The following IL1R2 variants were observed in gnomAD, a reference collection of about 807,000 sequenced individuals.
The protein encoded by IL1R2 is interleukin 1 receptor type 2, also known as interleukin-1 receptor type 2.
In IL1R2, 46 loss-of-function variants were observed where a neutral mutation model predicts 39.5. The ratio of observed to expected loss-of-function variants is 1.16; its 90% CI spans 0.92 to 1.49. IL1R2 has a LOEUF of 1.49. Ranked by LOEUF, IL1R2 falls within the 40% of genes most tolerant of loss-of-function variation. The pLI is 0.00. For missense variants in IL1R2, 537 were observed against 502.0 expected (o/e 1.07, Z -0.67); for synonymous variants, 207 against 189.6 (o/e 1.09, Z -0.75).
At chr2:102,006,751 A>G (rs1239859977) in intron 1 of IL1R2, among the ~76,000 whole-genome samples, 2 of 152,200 alleles carry the variant, frequency 1.3e-5, no homozygotes, top group Non-Finnish European at 2.9e-5. Flanking sequence ...ATCCTTGCGG[A>G]GCCAGAAGAG....
At chr2:102,004,517 A>C (rs980269190) in intron 1 of IL1R2, among the ~76,000 whole-genome samples, 1 of 151,492 alleles carries the variant, frequency 6.6e-6, no homozygotes, top group African/African-American at 2.4e-5. Flanking sequence ...AAAAGATAGA[A>C]TTCTAACTCA....
intron 1 of IL1R2, among the ~76,000 whole-genome samples, chr2:102,002,634 C>T (rs916413248): frequency 6.6e-5 from 10 of 151,960 alleles, no homozygotes; most frequent in African/African-American, 2.4e-4. Flanking sequence ...ATGTCTGTGT[C>T]TGTGTTGGTG....
rs28362312 is a variant in IL1R2 at position 102,009,680 on chromosome 2, C to T, written c.186C>T (p.Ser62=). ...QVPYWLWASV[S]PRINLTWHKN... ...CCTACTGGTTGTGGGCCTCTGTCAG[C>T]CCCCGCATCAACCTGACATGGCATA... is the stretch of plus-strand genomic sequence containing the variant. Residue 62 remains serine (S), a synonymous_variant, in exon 3 of 9, where the codon AGC becomes AGT. Transcript: ENST00000332549. 15 of 1,614,162 alleles carry T rather than the reference C, an allele frequency of 9.3e-6. No individual in the cohort carries two copies. Among genetic ancestry groups the T allele is most frequent in the Middle Eastern group, 3.3e-4 (2 of 6,062 alleles).
At chr2:102,002,510 T>G (rs974538603) in intron 1 of IL1R2, among the ~76,000 whole-genome samples, 6 of 142,224 alleles carry the variant, frequency 4.2e-5, no homozygotes, top group African/African-American at 1.6e-4. Context: ...TGTCTGTGTC[T>G]GTGTCTATGT....
intron 3 of IL1R2, among the ~76,000 whole-genome samples, chr2:102,014,310 G>A (rs1676853942): frequency 6.6e-6 from 1 of 152,096 alleles, no homozygotes; most frequent in Non-Finnish European, 1.5e-5. Context: ...CCTACTTCAT[G>A]GGGGCTGGAC....
intron 3 of IL1R2, among the ~76,000 whole-genome samples, chr2:102,012,029 T>G (rs1362338865): frequency 1.3e-5 from 2 of 152,230 alleles, no homozygotes; most frequent in African/African-American, 4.8e-5. Context: ...GGTCTTGACA[T>G]GTCCTACTCC....
At chr2:102,020,991 A>G (rs1344710568) in intron 5 of IL1R2, among the ~76,000 whole-genome samples, 1 of 152,100 alleles carries the variant, frequency 6.6e-6, no homozygotes, top group Non-Finnish European at 1.5e-5. Context: ...CCCCCGGGTG[A>G]TGCTGGGGAC....
chr2:102,028,353 A>G lies in IL1R2; in HGVS notation c.1158A>G (p.Leu386=), dbSNP rs946097202. The G allele has an allele frequency of 1.2e-6, 2 of 1,606,850 alleles. No individual in the cohort carries two copies. The highest frequency in any genetic ancestry group is 1.7e-6 in the Non-Finnish European group (2 of 1,176,524). ...RTGKADGLTV[L]WPHHQDFQSY... ...GAAAAGCAGATGGTCTGACTGTGCTATGGCCTCATCATCAAGACTTTCAAT... is the reference window on the plus strand; with the variant it reads ...GAAAAGCAGATGGTCTGACTGTGCTGTGGCCTCATCATCAAGACTTTCAAT... The change falls in exon 9 of 9, where the codon CTA becomes CTG. Residue 386 remains leucine (L), a synonymous_variant. Coordinates refer to ENST00000332549, the MANE Select transcript of IL1R2 (RefSeq NM_004633.4).
chr2:102,013,699 C>A (rs1327480482), intron 3 of IL1R2, among the ~76,000 whole-genome samples: 1 of 151,636 alleles, frequency 6.6e-6, no homozygotes, highest in Non-Finnish European at 1.5e-5. Flanking sequence ...ACACATGCAA[C>A]AGGTCCATTG....
At chr2:102,016,092 CT>C (rs745999687) in intron 4 of IL1R2, 41 bp downstream of exon 4, 1 of 1,476,268 alleles carries the variant, frequency 6.8e-7, no homozygotes. Context: ...AATGTGTTTT[CT>C]TTTTTTACTA....
At chr2:102,001,019 T>C (rs1675830597) in intron 1 of IL1R2, among the ~76,000 whole-genome samples, 1 of 152,166 alleles carries the variant, frequency 6.6e-6, no homozygotes, top group Non-Finnish European at 1.5e-5. Flanking sequence ...TGGTAACTGT[T>C]CCAGGCTAGA....
chr2:102,025,326 T>G (rs367909373), intron 7 of IL1R2, among the ~76,000 whole-genome samples: 1 of 152,214 alleles, frequency 6.6e-6, no homozygotes, highest in Non-Finnish European at 1.5e-5. Flanking sequence ...ATGGTTGTGT[T>G]TTTTGAAAGA....
chr2:102,012,093 G>C (rs1004583012), intron 3 of IL1R2, among the ~76,000 whole-genome samples: 1 of 152,174 alleles, frequency 6.6e-6, no homozygotes, highest in Non-Finnish European at 1.5e-5. Flanking sequence ...AAAGTTTCTT[G>C]GCTTCGTTCT....
At chr2:102,021,283 GTTTCTTTCTTTCTTTTCT>G (rs1412121995) in intron 5 of IL1R2, among the ~76,000 whole-genome samples, 2 of 144,202 alleles carry the variant, frequency 1.4e-5, no homozygotes, top group Non-Finnish European at 3.0e-5. Context: ...CAGGGGCCTC[GTTTCTTTCTTTCTTTTCT>G]TTTCTTTTTT....
chr2:102,002,051 T>C (rs1169774553), intron 1 of IL1R2: 1 of 152,104 alleles, frequency 6.6e-6, no homozygotes, highest in Non-Finnish European at 1.5e-5. Context: ...TAGAGAAGAG[T>C]TTCATCTTCT....
At chr2:101,994,410 A>T (rs899675677) in intron 1 of IL1R2, among the ~76,000 whole-genome samples, 5 of 152,056 alleles carry the variant, frequency 3.3e-5, no homozygotes, top group Non-Finnish European at 7.4e-5. Context: ...TCATGTTTTC[A>T]TTACGGCTTT....
In IL1R2 at chr2:102,019,865, C is replaced by T; in HGVS notation, c.688+53C>T. ...CTATCCTGGTTCAATAACAAGCATG[C>T]AGAGAACAAATGACGGTGCACGTAG... is the stretch of plus-strand genomic sequence containing the variant. On this transcript the variant is annotated intron_variant, in intron 5 of 8. Transcript: ENST00000332549. The T allele has an allele frequency of 2.0e-6, 3 of 1,477,534 alleles. 1 individual carries two copies. The South Asian group carries it at 3.6e-5, about 18-fold the overall frequency. 91.5% of individuals were successfully genotyped at this position (1,477,534 alleles called of 1,614,324 possible).
Position 102,022,255 on chromosome 2 carries a change from G to A in IL1R2, c.751+6G>A. On this transcript the variant is annotated splice_donor_region_variant and intron_variant, in intron 6 of 8. Coordinates refer to ENST00000332549, the MANE Select transcript of IL1R2 (RefSeq NM_004633.4). ...GACCATATCAGCTTCTCTGGGTAAG[G>A]CCCACAAGGACCATGCATTCCACGC... 1 of 1,612,118 alleles carries A rather than the reference G, an allele frequency of 6.2e-7. No homozygotes were observed. The highest frequency in any genetic ancestry group is 1.3e-5 in the African/African-American group (1 of 75,004).
chr2:102,017,398 G>GAAAAAA (rs56358561), intron 4 of IL1R2, among the ~76,000 whole-genome samples: 11,742 of 112,522 alleles, frequency 0.1, 619 homozygotes, highest in East Asian at 0.26. Context: ...CTCCATCTCA[G>GAAAAAA]AAAAAAAAAA....
Sources: allele counts gnomAD v4.1 joint callset (sites outside exome capture counted in the v4.1 genomes callset), GRCh38; gene constraint gnomAD v4.1.1; transcripts MANE v1.5; gene names NCBI Gene and HGNC (gene_info 2026-07-23, HGNC 2026-07-21).